The following FAM135B variants were observed in gnomAD, a reference collection of about 807,000 sequenced individuals.
FAM135B encodes protein FAM135B.
FAM135B carries 43 observed loss-of-function variants against 127.7 expected under a neutral mutation model. That is an observed-to-expected ratio of 0.34 (90% CI 0.26 to 0.43). The LOEUF is 0.43. Among genes scored for constraint, FAM135B ranks in the 20% least tolerant of loss-of-function variants. The pLI, the probability that FAM135B is intolerant of heterozygous loss-of-function variation, is 1.00. For missense variants in FAM135B, 1,558 were observed against 1,725.6 expected, an observed-to-expected ratio of 0.90 and a Z score of 1.72; for synonymous variants, 670 against 665.1, an observed-to-expected ratio of 1.01 and a Z score of -0.11.
At chr8:138,268,409 C>G (rs1460406530) in intron 3 of FAM135B, among the ~76,000 whole-genome samples, 2 of 152,122 alleles carry the variant, frequency 1.3e-5, no homozygotes, top group Admixed American at 6.6e-5. Flanking sequence ...CACCAAATCC[C>G]GAGGTGACCC....
intron 7 of FAM135B, among the ~76,000 whole-genome samples, chr8:138,234,703 C>A (rs1263585002): frequency 6.6e-6 from 1 of 152,180 alleles, no homozygotes; most frequent in East Asian, 1.9e-4. Flanking sequence ...CATCAGTGTA[C>A]AAATGTCCTT....
At chr8:138,418,519 GA>G (rs71316343) in intron 1 of FAM135B, among the ~76,000 whole-genome samples, 108 of 146,558 alleles carry the variant, frequency 7.4e-4, no homozygotes, top group Admixed American at 2.2e-3. Flanking sequence ...AGGTCAACAT[GA>G]AAAAAAAAAG....
At chr8:138,411,961 G>A (rs1193158603) in intron 1 of FAM135B, among the ~76,000 whole-genome samples, 1 of 152,080 alleles carries the variant, frequency 6.6e-6, no homozygotes, top group Non-Finnish European at 1.5e-5. Flanking sequence ...ATTAATGCAG[G>A]AACAAAAAAC....
rs545909204 is a variant in FAM135B, at chr8:138,242,809, A to T, written c.669+133T>A. 4.2e-4 allele frequency: 489 copies of T among 1,170,818 alleles called. 8 individuals carry two copies. In the South Asian group the frequency reaches 7.8e-3, roughly 19 times the overall value. 72.5% of individuals were successfully genotyped at this position (1,170,818 alleles called of 1,614,324 possible). The stretch of plus-strand genomic sequence containing the variant: ...AGTGATAAAAACAAGGGGTGGGAAG[A>T]TGGTGAAAGGAAGGGTCAAATTAGC... On this transcript the variant is annotated intron_variant, in intron 7 of 19. Coordinates refer to ENST00000395297, the MANE Select transcript of FAM135B (RefSeq NM_015912.4). The surrounding 1 kb of genome is among the most constrained non-coding windows in gnomAD (Gnocchi z 9.6).
At chr8:138,174,026 A>G (rs538212801) in intron 11 of FAM135B, among the ~76,000 whole-genome samples, 1 of 152,336 alleles carries the variant, frequency 6.6e-6, no homozygotes, top group East Asian at 1.9e-4. Context: ...AACCCAGTGC[A>G]ATCACATACT....
At chr8:138,177,667 A>T (rs1408171179) in intron 10 of FAM135B, among the ~76,000 whole-genome samples, 1 of 152,154 alleles carries the variant, frequency 6.6e-6, no homozygotes, top group Non-Finnish European at 1.5e-5. Flanking sequence ...CTGTTCTTGC[A>T]TTGCTTTTGC....
At chr8:138,394,487 G>C (rs1396485176) in intron 1 of FAM135B, among the ~76,000 whole-genome samples, 1 of 152,188 alleles carries the variant, frequency 6.6e-6, no homozygotes, top group African/African-American at 2.4e-5. Flanking sequence ...TTTGGACCCA[G>C]GATGGTGAGA....
At chr8:138,255,696 C>G (rs1563825912) in intron 5 of FAM135B, among the ~76,000 whole-genome samples, 1 of 152,204 alleles carries the variant, frequency 6.6e-6, no homozygotes, top group Non-Finnish European at 1.5e-5. Flanking sequence ...TATTGTGAGG[C>G]ATCACTACAT....
intron 5 of FAM135B, 133 bp from the exon 6 acceptor site, chr8:138,251,147 C>T: frequency 9.5e-7 from 1 of 1,049,306 alleles, no homozygotes; most frequent in South Asian, 1.5e-5. Flanking sequence ...TGCAAATGCT[C>T]TGCCTGGTAG....
chr8:138,478,793 A>T (rs1176248924), intron 1 of FAM135B, among the ~76,000 whole-genome samples: 1 of 152,232 alleles, frequency 6.6e-6, no homozygotes, highest in African/African-American at 2.4e-5. Context: ...GAGGGGAAAA[A>T]CAAACCATTT....
intron 3 of FAM135B, among the ~76,000 whole-genome samples, chr8:138,297,166 T>C (rs1053193004): frequency 4.6e-5 from 7 of 151,948 alleles, no homozygotes; most frequent in Admixed American, 6.6e-5. Context: ...TGCCACAGAG[T>C]TGAAATATGG....
intron 3 of FAM135B, among the ~76,000 whole-genome samples, chr8:138,268,716 C>G (rs1586927776): frequency 6.6e-6 from 1 of 152,240 alleles, no homozygotes; most frequent in Admixed American, 6.5e-5. Context: ...CATACTCTCT[C>G]TGCCCTTAAA....
chr8:138,447,742 G>T (rs921251616), intron 1 of FAM135B, among the ~76,000 whole-genome samples: 1 of 151,508 alleles, frequency 6.6e-6, no homozygotes, highest in African/African-American at 2.4e-5. Flanking sequence ...CACCAACATG[G>T]CACATGTATA....
intron 1 of FAM135B, among the ~76,000 whole-genome samples, chr8:138,386,715 T>C (rs2131308299): frequency 6.6e-6 from 1 of 152,354 alleles, no homozygotes; most frequent in South Asian, 2.1e-4. Flanking sequence ...ACAATCTTCC[T>C]TTATCAATAT....
chr8:138,281,827 TAG>T (rs1824291169), intron 3 of FAM135B, among the ~76,000 whole-genome samples: 1 of 152,200 alleles, frequency 6.6e-6, no homozygotes, highest in Non-Finnish European at 1.5e-5. Context: ...TAAATTATTT[TAG>T]AGACAGGGTC....
intron 9 of FAM135B, among the ~76,000 whole-genome samples, chr8:138,188,709 G>A (rs747330679): frequency 1.3e-5 from 2 of 152,100 alleles, no homozygotes; most frequent in Non-Finnish European, 2.9e-5. Context: ...CCTGCCCACT[G>A]TTCCACAAGC....
rs770767795 is a variant in FAM135B, at chr8:138,310,954, T to C, written c.78-34A>G. On this transcript the variant is annotated intron_variant, in intron 2 of 19. Transcript: ENST00000395297. Reference sequence around the variant, plus strand: ...AGAGAAGAGGACAGGGTGCTGAAGATCAGCCTTCTTAACGTTGACTTCTAA... The same window carrying C: ...AGAGAAGAGGACAGGGTGCTGAAGACCAGCCTTCTTAACGTTGACTTCTAA... The C allele has an allele frequency of 5.8e-6, 9 of 1,554,960 alleles. No homozygotes were observed. In the East Asian group the frequency reaches 1.1e-4, roughly 20 times the overall value.
chr8:138,346,404 C>T lies in FAM135B; in HGVS notation c.77+21503G>A, dbSNP rs117469933. The stretch of plus-strand genomic sequence containing the variant: ...GCAGCACTATTCCCAATAGCAAAGA[C>T]GTGGAATCAACCCAAATGCCAATCA... On this transcript the variant is annotated intron_variant, in intron 2 of 19. Coordinates refer to ENST00000395297, the MANE Select transcript of FAM135B (RefSeq NM_015912.4). 1.8e-3 allele frequency among the ~76,000 whole-genome samples: 279 copies of T among 152,238 alleles called. 7 individuals are homozygous for T. In the East Asian group the frequency reaches 0.048, roughly 26 times the overall value.
chr8:138,145,010 A>G (rs1817538786), intron 15 of FAM135B, among the ~76,000 whole-genome samples: 1 of 151,874 alleles, frequency 6.6e-6, no homozygotes, highest in South Asian at 2.1e-4. Flanking sequence ...AGTTTAGTTT[A>G]GTTTAGTTTT....
Sources: gnomAD v4.1 joint callset for allele counts (sites outside exome capture counted in the v4.1 genomes callset) on GRCh38, gnomAD v4.1.1 for gene constraint, Gnocchi (gnomAD v3.1) non-coding constraint, MANE v1.5 for transcripts, NCBI Gene and HGNC (gene_info 2026-07-23, HGNC 2026-07-21) for gene names.